The following GRID2 variants were observed in gnomAD, a reference collection of about 807,000 sequenced individuals.
GRID2 encodes glutamate ionotropic receptor delta type subunit 2.
GRID2 carries 33 observed loss-of-function variants against 114.8 expected under a neutral mutation model. The observed-to-expected ratio is 0.29, with a 90% CI of 0.22 to 0.38. The LOEUF is 0.38. Among genes scored for constraint, GRID2 ranks in the 10% least tolerant of loss-of-function variants. The probability of loss-of-function intolerance (pLI) is 1.00; values close to 1 mark genes in which losing one functional copy is unlikely to be tolerated. For synonymous variants in GRID2, 505 were observed against 449.9 expected, an observed-to-expected ratio of 1.12 and a Z score of -1.55; for missense variants, 1,184 against 1,257.7, an observed-to-expected ratio of 0.94 and a Z score of 0.89.
chr4:93,341,055 C>T (rs1444191839), intron 8 of GRID2, among the ~76,000 whole-genome samples: 8 of 152,092 alleles, frequency 5.3e-5, no homozygotes, highest in African/African-American at 1.2e-4. Context: ...AGTAGATAAA[C>T]AGCGGTTTAA....
intron 2 of GRID2, among the ~76,000 whole-genome samples, chr4:92,852,969 C>A (rs947191283): frequency 6.6e-6 from 1 of 151,928 alleles, no homozygotes; most frequent in Non-Finnish European, 1.5e-5. Flanking sequence ...GCTGTAAATT[C>A]TTTGTATTTT....
At chr4:93,292,969 G>C (rs1462710894) in intron 8 of GRID2, among the ~76,000 whole-genome samples, 2 of 152,142 alleles carry the variant, frequency 1.3e-5, no homozygotes, top group Non-Finnish European at 1.5e-5. Flanking sequence ...TGTGGCATCT[G>C]CATAGCCCTT....
intron 1 of GRID2, among the ~76,000 whole-genome samples, chr4:92,437,681 C>G (rs1198716484): frequency 6.6e-6 from 1 of 152,188 alleles, no homozygotes; most frequent in Non-Finnish European, 1.5e-5. Flanking sequence ...AAAGGTTTCA[C>G]TAACAAAATC....
At chr4:93,776,423 T>C (rs749414302), downstream of GRID2, among the ~76,000 whole-genome samples, 14 of 152,222 alleles carry the variant, frequency 9.2e-5, no homozygotes, top group Non-Finnish European at 1.8e-4. Flanking sequence ...GAAGATTTGA[T>C]AGATGTAATT....
At chr4:92,918,293 G>A (rs1486593101) in intron 2 of GRID2, among the ~76,000 whole-genome samples, 1 of 152,182 alleles carries the variant, frequency 6.6e-6, no homozygotes, top group African/African-American at 2.4e-5. Flanking sequence ...CATGTCATCT[G>A]CAAACAGGGA....
At chr4:93,250,639 C>CAT (rs33931982) in intron 8 of GRID2, among the ~76,000 whole-genome samples, 176 of 143,282 alleles carry the variant, frequency 1.2e-3, no homozygotes, top group Non-Finnish European at 1.2e-3. Flanking sequence ...GAAATCATTA[C>CAT]ATATATATAT....
chr4:92,535,537 G>A (rs1194766119), intron 1 of GRID2, among the ~76,000 whole-genome samples: 4 of 152,034 alleles, frequency 2.6e-5, no homozygotes, highest in African/African-American at 7.2e-5. Flanking sequence ...ACTCAAAACA[G>A]CTATTAATTT....
In GRID2 at chr4:92,782,853, G is replaced by C. The variant is rs191365621; in HGVS notation, c.244+192567G>C. On this transcript the variant is annotated intron_variant, in intron 2 of 15. Coordinates refer to ENST00000282020, the MANE Select transcript of GRID2 (RefSeq NM_001510.4). The stretch of plus-strand genomic sequence containing the variant: ...TCATCTTCCAACAGAAGTTGGATTA[G>C]TACTAAAAGAGGTGACAGAGGGTGA... Among the ~76,000 whole-genome samples the C allele has an allele frequency of 2.0e-5, 3 of 152,046 alleles. No homozygotes were observed. In the East Asian group the frequency reaches 5.8e-4, roughly 30 times the overall value.
At chr4:92,912,973 G>T (rs1748499601) in intron 2 of GRID2, among the ~76,000 whole-genome samples, 1 of 151,688 alleles carries the variant, frequency 6.6e-6, no homozygotes, top group Admixed American at 6.6e-5. Flanking sequence ...AAGTATAGAA[G>T]ATTTGTTTTA....
At chr4:93,135,231 G>A (rs2149379932) in intron 4 of GRID2, among the ~76,000 whole-genome samples, 1 of 152,256 alleles carries the variant, frequency 6.6e-6, no homozygotes, top group African/African-American at 2.4e-5. Context: ...AACAATAGGA[G>A]GCTTTGGGTT....
intron 13 of GRID2, among the ~76,000 whole-genome samples, chr4:93,521,668 G>T (rs1230473881): frequency 1.3e-5 from 2 of 152,026 alleles, no homozygotes; most frequent in African/African-American, 4.8e-5. Context: ...AGGATGTGGA[G>T]ATTATGAGAC....
chr4:93,361,202 G>T (rs115051216), intron 8 of GRID2, among the ~76,000 whole-genome samples: 4 of 151,904 alleles, frequency 2.6e-5, no homozygotes, highest in East Asian at 1.9e-4. Context: ...TTTACTGAGG[G>T]TTACAGTTGA....
chr4:93,519,077 T>C (rs1730089972), intron 13 of GRID2, among the ~76,000 whole-genome samples: 1 of 152,046 alleles, frequency 6.6e-6, no homozygotes, highest in South Asian at 2.1e-4. Context: ...TTTCTAAACG[T>C]GAATCTCATT....
intron 2 of GRID2, among the ~76,000 whole-genome samples, chr4:92,816,121 G>A (rs1431399986): frequency 1.3e-5 from 2 of 151,178 alleles, no homozygotes; most frequent in Non-Finnish European, 3.0e-5. Context: ...TTCGAGATCA[G>A]CCTAGGCAAC....
At chr4:92,708,116 G>A (rs936852831) in intron 2 of GRID2, among the ~76,000 whole-genome samples, 1 of 152,158 alleles carries the variant, frequency 6.6e-6, no homozygotes, top group Non-Finnish European at 1.5e-5. Flanking sequence ...CCATGAAAAT[G>A]TAGTATTCTA....
At chr4:93,740,897 T>C (rs1357323639) in intron 14 of GRID2, among the ~76,000 whole-genome samples, 1 of 151,806 alleles carries the variant, frequency 6.6e-6, no homozygotes, top group Non-Finnish European at 1.5e-5. Context: ...CTTAACTTTT[T>C]TGAGCTTCAG....
rs147809950 is a variant in GRID2, at chr4:93,047,547, A to G, written c.245-37448A>G. Among the ~76,000 whole-genome samples, 642 of 152,094 alleles carry G rather than the reference A, an allele frequency of 4.2e-3. 8 individuals carry two copies. The highest frequency in any genetic ancestry group is 0.015 in the African/African-American group (607 of 41,494). ...CATCCTTTTTTTTTACTGTATTCTT[A>G]CAAGAAACTGGCATTGCTGGCAATA... On this transcript the variant is annotated intron_variant, in intron 2 of 15. Coordinates refer to ENST00000282020, the MANE Select transcript of GRID2 (RefSeq NM_001510.4).
At chr4:93,690,929 T>C (rs1726506443) in intron 14 of GRID2, among the ~76,000 whole-genome samples, 1 of 148,400 alleles carries the variant, frequency 6.7e-6, no homozygotes, top group Non-Finnish European at 1.5e-5. Flanking sequence ...TAATAGTTTA[T>C]TTTATATATA....
intron 1 of GRID2, among the ~76,000 whole-genome samples, chr4:92,381,389 C>G (rs1277800879): frequency 3.3e-5 from 5 of 151,990 alleles, no homozygotes; most frequent in Non-Finnish European, 7.4e-5. Context: ...CTTTGGGTGA[C>G]TTTCCTAGTA....
Sources: allele counts gnomAD v4.1 joint callset (sites outside exome capture counted in the v4.1 genomes callset), GRCh38; gene constraint gnomAD v4.1.1; transcripts MANE v1.5; gene names NCBI Gene and HGNC (gene_info 2026-07-23, HGNC 2026-07-21).